The following ZFHX3 variants were observed in gnomAD, a reference collection of about 807,000 sequenced individuals.
ZFHX3 encodes zinc finger homeobox 3.
Under a neutral mutation model 279.1 loss-of-function variants are expected in ZFHX3, and 42 were observed. That is an observed-to-expected ratio of 0.15 (90% CI 0.12 to 0.19). The LOEUF is 0.19. Among genes scored for constraint, ZFHX3 ranks in the 10% least tolerant of loss-of-function variants. ZFHX3 has a pLI of 1.00. For missense variants in ZFHX3, 4,981 were observed against 4,754.0 expected, an observed-to-expected ratio of 1.05 and a Z score of -1.40; for synonymous variants, 2,293 against 1,957.8, an observed-to-expected ratio of 1.17 and a Z score of -4.52.
intron 3 of ZFHX3, among the ~76,000 whole-genome samples, chr16:73,346,296 C>T (rs545951360): frequency 6.6e-4 from 101 of 152,306 alleles, no homozygotes; most frequent in African/African-American, 2.0e-3. Flanking sequence ...GAAAGCCTCA[C>T]GCACCTGGAA....
At chr16:73,855,039 G>A (rs1311527800) in intron 1 of ZFHX3, among the ~76,000 whole-genome samples, 1 of 152,090 alleles carries the variant, frequency 6.6e-6, no homozygotes, top group East Asian at 1.9e-4. Flanking sequence ...TTCCCGAGGA[G>A]GTACTGGTGT....
chr16:73,428,125 T>C (rs1193929627), intron 3 of ZFHX3, among the ~76,000 whole-genome samples: 2 of 152,166 alleles, frequency 1.3e-5, no homozygotes, highest in African/African-American at 4.8e-5. Flanking sequence ...TTCTCATTAA[T>C]GGGAAGGCCA....
chr16:73,873,785 A>G (rs555497621), intron 1 of ZFHX3, among the ~76,000 whole-genome samples: 2 of 152,296 alleles, frequency 1.3e-5, no homozygotes, highest in East Asian at 1.9e-4. Context: ...TTTGTGGCTC[A>G]CGTGACTAAA....
At chr16:73,253,107 C>T (rs2013558710) in intron 5 of ZFHX3, among the ~76,000 whole-genome samples, 1 of 152,178 alleles carries the variant, frequency 6.6e-6, no homozygotes, top group Non-Finnish European at 1.5e-5. Context: ...AGAACTGCAC[C>T]ATTCCACCCT....
intron 1 of ZFHX3, among the ~76,000 whole-genome samples, chr16:73,713,635 T>G (rs547679223): frequency 6.6e-6 from 1 of 152,174 alleles, no homozygotes; most frequent in East Asian, 1.9e-4. Flanking sequence ...TAGCTTTTTT[T>G]TTTTTTTTAT....
At chr16:73,393,580 C>T (rs749347001) in intron 3 of ZFHX3, among the ~76,000 whole-genome samples, 1 of 152,200 alleles carries the variant, frequency 6.6e-6, no homozygotes, top group Non-Finnish European at 1.5e-5. Flanking sequence ...AATCAAGTTG[C>T]TACTGGACGT....
At chr16:73,725,609 G>A (rs1184184829) in intron 1 of ZFHX3, among the ~76,000 whole-genome samples, 1 of 152,014 alleles carries the variant, frequency 6.6e-6, no homozygotes, top group African/African-American at 2.4e-5. Flanking sequence ...GATGCAGACT[G>A]CTTAGGGCCT....
intron 5 of ZFHX3, among the ~76,000 whole-genome samples, chr16:73,250,593 G>C (rs1182225075): frequency 1.3e-5 from 2 of 152,144 alleles, no homozygotes; most frequent in Admixed American, 6.5e-5. Context: ...GGGTGCAGGG[G>C]TGCGATCTTG....
At chr16:72,974,020 T>C (rs150249343) in intron 1 of ZFHX3, among the ~76,000 whole-genome samples, 2 of 152,226 alleles carry the variant, frequency 1.3e-5, no homozygotes, top group East Asian at 3.8e-4. Context: ...CCTAAGTTCC[T>C]ATTAGGTAGC....
intron 1 of ZFHX3, among the ~76,000 whole-genome samples, chr16:73,703,529 T>C (rs1009068420): frequency 2.6e-5 from 4 of 151,374 alleles, no homozygotes; most frequent in Non-Finnish European, 5.9e-5. Flanking sequence ...GGAAGGTTTA[T>C]AGGATGAAGG....
chr16:73,818,592 A>G lies in ZFHX3; in HGVS notation c.-1608+73059T>C, dbSNP rs375901161. On this transcript the variant is annotated intron_variant, in intron 1 of 17. Transcript: ENST00000641206. ...TTGTATCAAAGCATTAAATAAGCAG[A>G]CACCCACACTCAATTCAACCACAGG... 1.4e-4 allele frequency among the ~76,000 whole-genome samples: 21 copies of G among 152,320 alleles called. 1 individual carries two copies. Among genetic ancestry groups the G allele is most frequent in the Admixed American group, 6.5e-4 (10 of 15,300 alleles).
chr16:73,073,096 T>TGTGTTGCCC (rs1198944390), intron 8 of ZFHX3, among the ~76,000 whole-genome samples: 2 of 152,068 alleles, frequency 1.3e-5, no homozygotes, highest in Non-Finnish European at 2.9e-5. Context: ...GAGGTTTCAC[T>TGTGTTGCCC]GTGTTGCCCA....
chr16:73,165,163 A>C (rs1292388103), intron 5 of ZFHX3, among the ~76,000 whole-genome samples: 1 of 152,224 alleles, frequency 6.6e-6, no homozygotes, highest in African/African-American at 2.4e-5. Flanking sequence ...TCAGTCTTAC[A>C]GATTTCTCAG....
chr16:73,263,641 T>C (rs969662886), intron 4 of ZFHX3, among the ~76,000 whole-genome samples: 2 of 152,120 alleles, frequency 1.3e-5, no homozygotes, highest in Admixed American at 1.3e-4. Context: ...ACCTCCAGAG[T>C]CACAGACCAT....
chr16:72,895,542 G>C (rs1350231252), intron 3 of ZFHX3, among the ~76,000 whole-genome samples: 1 of 152,246 alleles, frequency 6.6e-6, no homozygotes, highest in Non-Finnish European at 1.5e-5. Context: ...AGCACCTGGA[G>C]GCCAGGCGTG....
At chr16:72,930,392 G>GA (rs1243456784) in intron 3 of ZFHX3, among the ~76,000 whole-genome samples, 1 of 151,474 alleles carries the variant, frequency 6.6e-6, no homozygotes, top group Non-Finnish European at 1.5e-5. Flanking sequence ...AATTGGAGGG[G>GA]AAAAAAGAAA....
intron 1 of ZFHX3, among the ~76,000 whole-genome samples, chr16:73,801,088 G>A (rs191603045): frequency 1.6e-4 from 24 of 152,288 alleles, no homozygotes; most frequent in Admixed American, 3.3e-4. Flanking sequence ...TAAAAGAGAA[G>A]TTGGAACAAG....
chr16:73,745,456 G>A (rs1403648434), intron 1 of ZFHX3, among the ~76,000 whole-genome samples: 1 of 152,178 alleles, frequency 6.6e-6, no homozygotes, highest in Non-Finnish European at 1.5e-5. Flanking sequence ...AGGCCCTCAT[G>A]GGTCAGGAAC....
At chr16:73,023,436 A>C (rs1964382150) in intron 1 of ZFHX3, among the ~76,000 whole-genome samples, 1 of 152,056 alleles carries the variant, frequency 6.6e-6, no homozygotes. Context: ...GGGCGGAGGG[A>C]GGAAAGGCTG....
Sources: allele counts gnomAD v4.1 joint callset (sites outside exome capture counted in the v4.1 genomes callset), GRCh38; gene constraint gnomAD v4.1.1; transcripts MANE v1.5; gene names NCBI Gene and HGNC (gene_info 2026-07-23, HGNC 2026-07-21).